Variants in USF2 observed in about 807,000 individuals in gnomAD.
USF2 encodes the protein upstream transcription factor 2, c-fos interacting.
Under a neutral mutation model 46.9 loss-of-function variants are expected in USF2, and 16 were observed. That is an observed-to-expected ratio of 0.34 (90% CI 0.23 to 0.52). USF2 has a LOEUF of 0.52. Among genes scored for constraint, USF2 ranks in the 20% least tolerant of loss-of-function variants. USF2 has a pLI of 0.96. For synonymous variants in USF2, 239 were observed against 194.1 expected, an observed-to-expected ratio of 1.23 and a Z score of -1.92; for missense variants, 411 against 474.0, an observed-to-expected ratio of 0.87 and a Z score of 1.23.
At chr19:35,272,399 G>A (rs1342304567) in intron 7 of USF2, among the ~76,000 whole-genome samples, 1 of 152,040 alleles carries the variant, frequency 6.6e-6, no homozygotes, top group Non-Finnish European at 1.5e-5. Flanking sequence ...TCCCTGAAGC[G>A]ACCTGAGGGA....
At chr19:35,271,187 C>G (rs200156649) in intron 7 of USF2, 46 bp downstream of exon 7, 76 of 1,610,184 alleles carry the variant, frequency 4.7e-5, no homozygotes, top group Non-Finnish European at 6.5e-5. Flanking sequence ...ACCACCCTCA[C>G]AGGCTCAGCC....
chr19:35,278,936 C>T lies in USF2; in HGVS notation c.823-10C>T, dbSNP rs762229883. 46 of 1,556,396 alleles carry T rather than the reference C, an allele frequency of 3.0e-5. No individual in the cohort carries two copies. The highest frequency in any genetic ancestry group is 7.3e-5 in the South Asian group (6 of 81,650). Reference sequence around the variant, plus strand: ...CCTGCCCTAAGGCTCCTGGTCCCCTCGCCCCCCAGAGTAAAGGAGGGATCC... The same window carrying T: ...CCTGCCCTAAGGCTCCTGGTCCCCTTGCCCCCCAGAGTAAAGGAGGGATCC... On this transcript the variant is annotated splice_polypyrimidine_tract_variant and intron_variant, in intron 8 of 9. Coordinates refer to ENST00000222305, the MANE Select transcript of USF2 (RefSeq NM_003367.4).
At chr19:35,278,000 T>A (rs1425350898) in intron 7 of USF2, 1 of 152,266 alleles carries the variant, frequency 6.6e-6, no homozygotes, top group Non-Finnish European at 1.5e-5. Context: ...CTGGGTTTTT[T>A]AAGTAAAACC....
rs2066117026 is a variant in USF2 at position 35,269,714 on chromosome 19, G to T, written c.228+15G>T. The T allele has an allele frequency of 4.9e-6, 7 of 1,425,392 alleles. No individual in the cohort carries two copies. Among genetic ancestry groups the T allele is most frequent in the Non-Finnish European group, 6.5e-6 (7 of 1,083,530 alleles). 88.3% of individuals were successfully genotyped at this position (1,425,392 alleles called of 1,614,324 possible). Reference sequence around the variant, plus strand: ...ATGGAGGACAGGTGAGCGGCGGGCCGCGAGGGCGAACGGGCGGGCGGGCGG... The same window carrying T: ...ATGGAGGACAGGTGAGCGGCGGGCCTCGAGGGCGAACGGGCGGGCGGGCGG... On this transcript the variant is annotated intron_variant, in intron 3 of 9. Transcript: ENST00000222305.
At chr19:35,272,283 G>A (rs955062729) in intron 7 of USF2, among the ~76,000 whole-genome samples, 1 of 152,176 alleles carries the variant, frequency 6.6e-6, no homozygotes, top group East Asian at 1.9e-4. Context: ...ATCAGGCAGT[G>A]CAGGCAGTCA....
At position 35,278,687 on chromosome 19, in the gene USF2, G is replaced by T; in HGVS notation, c.728-11G>T. Reference sequence around the variant, plus strand: ...TCAGCGAAGCCGTGGCTGTGACTCTGTTTTCCGCAGTGGAGCGGAGGCGGA... The same window carrying T: ...TCAGCGAAGCCGTGGCTGTGACTCTTTTTTCCGCAGTGGAGCGGAGGCGGA... On this transcript the variant is annotated splice_polypyrimidine_tract_variant and intron_variant, in intron 7 of 9. Transcript: ENST00000222305. 6.2e-7 allele frequency: 1 copy of T among 1,614,014 alleles called. No homozygotes were observed. Among genetic ancestry groups the T allele is most frequent in the South Asian group, 1.1e-5 (1 of 91,086 alleles).
intron 4 of USF2, 189 bp from the exon 5 acceptor site, chr19:35,270,258 C>T (rs2066131158): frequency 1.1e-5 from 11 of 971,486 alleles, no homozygotes; most frequent in South Asian, 7.3e-5. Flanking sequence ...CGGATTTGCT[C>T]AGCAAGTGAT....
chr19:35,272,905 G>C (rs1026671922), intron 7 of USF2, among the ~76,000 whole-genome samples: 5 of 151,934 alleles, frequency 3.3e-5, no homozygotes, highest in African/African-American at 9.7e-5. Flanking sequence ...ACTTACCTGT[G>C]GTGGGGCGTC....
In USF2 at chr19:35,271,043, G is replaced by A. The variant is rs771476868; in HGVS notation, c.669-40G>A. The A allele has an allele frequency of 1.1e-5, 17 of 1,611,998 alleles. No homozygotes were observed. The Middle Eastern group carries it at 6.6e-4, about 62-fold the overall frequency. On this transcript the variant is annotated intron_variant, in intron 6 of 9. Transcript: ENST00000222305. ...AGCAGATGCTTGGGCAAACAGCTCT[G>A]CGATAATACATGCCCCCTTTTTTTT...
rs916378759 is a variant in USF2 at position 35,269,467 on chromosome 19, G to A, written c.84G>A (p.Ala28=). ...AAASHDKGPE[A]EEGVELQEGG... The stretch of plus-strand genomic sequence containing the variant: ...GCAGCCACGACAAGGGACCCGAGGC[G>A]GAGGAGGGCGTCGAGCTGCAGGAAG... The change falls in exon 2 of 10, where the codon GCG becomes GCA. Residue 28 remains alanine (A), a synonymous_variant. Coordinates refer to ENST00000222305, the MANE Select transcript of USF2 (RefSeq NM_003367.4). 6.5e-5 allele frequency: 100 copies of A among 1,548,662 alleles called. No individual in the cohort carries two copies. Among genetic ancestry groups the A allele is most frequent in the Non-Finnish European group, 8.3e-5 (96 of 1,155,626 alleles).
Position 35,270,531 on chromosome 19 carries a change from G to C in USF2, c.514G>C (p.Ala172Pro). 6.2e-7 allele frequency: 1 copy of C among 1,614,216 alleles called. No individual in the cohort carries two copies. Among genetic ancestry groups the C allele is most frequent in the Non-Finnish European group, 8.5e-7 (1 of 1,180,028 alleles). Residue 172 changes from alanine to proline, a missense_variant, in exon 5 of 10, where the codon GCG (alanine) becomes CCG (proline). This residue lies in a region of USF2 where 318 missense variants were observed against 322.4 expected (regional missense o/e 0.99). Transcript: ENST00000222305. The stretch of plus-strand genomic sequence containing the variant: ...GGAGGCACGATTTGCCTATTTCCCA[G>C]CGTCCAGTGTGGGAGATACTACGGC... ...SGEARFAYFPASSVGDTTAVS... is the reference protein window; with the variant it reads ...SGEARFAYFPPSSVGDTTAVS...
chr19:35,279,350 C>T lies in USF2; in HGVS notation c.*94C>T. ...CACAGAGAGGGACACATGCCCCTCC[C>T]CCAGCTGCGTTTTTTTATAGTAGAT... On this transcript the variant is annotated 3_prime_UTR_variant, in exon 10 of 10. Coordinates refer to ENST00000222305, the MANE Select transcript of USF2 (RefSeq NM_003367.4). 7.8e-7 allele frequency: 1 copy of T among 1,278,502 alleles called. No individual in the cohort carries two copies. The highest frequency in any genetic ancestry group is 1.0e-6 in the Non-Finnish European group (1 of 981,158). The allele number at this position is 1,278,502 out of a possible 1,614,324, so 79.2% of individuals were successfully genotyped here. A position where few individuals can be genotyped will look rare whatever the true frequency, so the allele number is the denominator to read the frequency against.
At chr19:35,276,478 C>T (rs559431547) in intron 7 of USF2, among the ~76,000 whole-genome samples, 1 of 152,308 alleles carries the variant, frequency 6.6e-6, no homozygotes, top group South Asian at 2.1e-4. Flanking sequence ...TCCGAAGCCA[C>T]AGGCTGGACA....
chr19:35,269,608 A>C lies in USF2; in HGVS notation c.137A>C (p.Gln46Pro). The change falls in exon 3 of 10, where the codon CAG becomes CCG. Residue 46 changes from glutamine to proline, a missense_variant. Physicochemically the swap from Gln to Pro is moderately conservative, Grantham distance 76. Transcript: ENST00000222305. ...EGGDGPGAEEQTAVAITSVQQ... is the reference protein window; with the variant it reads ...EGGDGPGAEEPTAVAITSVQQ... ...GGGGACGGCCCAGGAGCGGAGGAGCAGACAGCGGTGGCCATCACCAGCGTC... is the reference window on the plus strand; with the variant it reads ...GGGGACGGCCCAGGAGCGGAGGAGCCGACAGCGGTGGCCATCACCAGCGTC... 6.3e-7 allele frequency: 1 copy of C among 1,596,506 alleles called. No homozygotes were observed. The highest frequency in any genetic ancestry group is 1.1e-5 in the South Asian group (1 of 88,764).
chr19:35,279,382 C>T lies in USF2; in HGVS notation c.*126C>T. 1 of 1,073,870 alleles carries T rather than the reference C, an allele frequency of 9.3e-7. No individual in the cohort carries two copies. The highest frequency in any genetic ancestry group is 1.3e-6 in the Non-Finnish European group (1 of 791,972). The allele number at this position is 1,073,870 out of a possible 1,614,324, so 66.5% of individuals were successfully genotyped here. A position where few individuals can be genotyped will look rare whatever the true frequency, so the allele number is the denominator to read the frequency against. ...GCGTTTTTTTATAGTAGATTTTTAA[C>T]AAAAAACGGGGAGAAATAATGCATT... On this transcript the variant is annotated 3_prime_UTR_variant, in exon 10 of 10. Coordinates refer to ENST00000222305, the MANE Select transcript of USF2 (RefSeq NM_003367.4).
At chr19:35,270,632 G>A (rs2066138897) in intron 5 of USF2, 35 bp downstream of exon 5, 1 of 1,611,518 alleles carries the variant, frequency 6.2e-7, no homozygotes, top group Admixed American at 1.7e-5. Flanking sequence ...AGGTGGGGGA[G>A]GCAACGGGCC....
At chr19:35,270,877 G>A in intron 6 of USF2, 72 bp downstream of exon 6, 1 of 1,585,366 alleles carries the variant, frequency 6.3e-7, no homozygotes, top group African/African-American at 1.3e-5. Context: ...GTAGAAGCTG[G>A]GCAGTTAGCA....
chr19:35,269,865 C>A lies in USF2; in HGVS notation c.291C>A (p.Gly97=), dbSNP rs1227789414. The stretch of plus-strand genomic sequence containing the variant: ...TGGACGGCCAGGGCGACACAGCTGG[C>A]GCCGTCAGCGTCGTGTCCACCGCTG... ...GQLDGQGDTA[G]AVSVVSTAAF... Residue 97 remains glycine (G), a synonymous_variant, in exon 4 of 10, where the codon GGC becomes GGA. Coordinates refer to ENST00000222305, the MANE Select transcript of USF2 (RefSeq NM_003367.4). 7.0e-7 allele frequency: 1 copy of A among 1,423,620 alleles called. No individual in the cohort carries two copies. The highest frequency in any genetic ancestry group is 3.4e-5 in the Admixed American group (1 of 29,122). The allele number at this position is 1,423,620 out of a possible 1,614,324, so 88.2% of individuals were successfully genotyped here.
chr19:35,273,169 C>T (rs1568458997), intron 7 of USF2, among the ~76,000 whole-genome samples: 2 of 152,206 alleles, frequency 1.3e-5, no homozygotes, highest in Admixed American at 6.5e-5. Context: ...GTCCTGTCTC[C>T]GCTTTCCTGA....
Sources: gnomAD v4.1 joint callset for allele counts (sites outside exome capture counted in the v4.1 genomes callset) on GRCh38, gnomAD v4.1.1 for gene constraint, gnomAD v4.1.1 regional missense constraint, MANE v1.5 for transcripts, NCBI Gene and HGNC (gene_info 2026-07-23, HGNC 2026-07-21) for gene names.